TSC1: variants seen among roughly 807,000 people sequenced by gnomAD.
The protein encoded by TSC1 is TSC complex subunit 1.
A neutral mutation model predicts 124.3 loss-of-function variants in TSC1; 20 were observed. That is an observed-to-expected ratio of 0.16 (90% confidence interval 0.11 to 0.23). The LOEUF is 0.23. Ranked by LOEUF, TSC1 falls within the 10% of genes least tolerant of loss-of-function variation. TSC1 has a pLI of 1.00. For synonymous variants in TSC1, 493 were observed against 539.1 expected, an observed-to-expected ratio of 0.91 and a Z score of 1.19; for missense variants, 1,124 against 1,448.5, an observed-to-expected ratio of 0.78 and a Z score of 3.64.
chr9:132,933,360 C>T (rs1397981698), intron 2 of TSC1, among the ~76,000 whole-genome samples: 1 of 152,140 alleles, frequency 6.6e-6, no homozygotes, highest in Admixed American at 6.5e-5. Context: ...GCCACCACAC[C>T]TGGCCAAAAA....
intron 2 of TSC1, among the ~76,000 whole-genome samples, chr9:132,932,399 C>T (rs761828466): frequency 9.9e-5 from 15 of 152,172 alleles, no homozygotes; most frequent in South Asian, 2.1e-4. Context: ...AGTCGAAGCC[C>T]GCATCATCTC....
chr9:132,920,115 C>T (rs1022314847), intron 8 of TSC1, among the ~76,000 whole-genome samples: 7 of 152,264 alleles, frequency 4.6e-5, no homozygotes, highest in African/African-American at 1.7e-4. Flanking sequence ...CCTTGTGTTT[C>T]CCAGACTCAT....
chr9:132,906,886 G>A lies in TSC1; in HGVS notation c.1334-51C>T, dbSNP rs1845702965. ...GTCAAAGAAATACAGTGTAATCCCT[G>A]TAAGTGTAAAACTGCTTACACTGTA... On this transcript the variant is annotated intron_variant, in intron 13 of 22. Transcript: ENST00000298552. The surrounding 1 kb of genome is among the most constrained non-coding windows in gnomAD (Gnocchi z 4.1). The A allele has an allele frequency of 1.4e-6, 2 of 1,469,314 alleles. No homozygotes were observed. The highest frequency in any genetic ancestry group is 1.9e-6 in the Non-Finnish European group (2 of 1,050,444). 91.0% of individuals were successfully genotyped at this position (1,469,314 alleles called of 1,614,324 possible).
At chr9:132,934,791 G>A (rs1393929069) in intron 2 of TSC1, among the ~76,000 whole-genome samples, 1 of 152,148 alleles carries the variant, frequency 6.6e-6, no homozygotes. Context: ...TGTAAAATGG[G>A]GAAACACCAA....
intron 8 of TSC1, among the ~76,000 whole-genome samples, chr9:132,915,718 G>C (rs192574373): frequency 2.0e-5 from 3 of 152,278 alleles, no homozygotes; most frequent in Admixed American, 2.0e-4. Flanking sequence ...CAAAGCATGT[G>C]ATCCTACTCA....
At chr9:132,911,358 T>A (rs1845946696) in intron 10 of TSC1, 95 bp downstream of exon 10, 1 of 968,328 alleles carries the variant, frequency 1.0e-6, no homozygotes, top group East Asian at 2.4e-5. Context: ...AAATGAGCAG[T>A]GTGAAATTTT....
At chr9:132,932,726 T>C (rs1012995863) in intron 2 of TSC1, among the ~76,000 whole-genome samples, 1 of 152,234 alleles carries the variant, frequency 6.6e-6, no homozygotes, top group Non-Finnish European at 1.5e-5. Context: ...ATACTGGTTC[T>C]TTCTTGCTCA....
In TSC1 at chr9:132,896,063, G is replaced by T; in HGVS notation, c.*172C>A. ...GGGGAAGGTCAAGAGGCATTTCAAT[G>T]CCAGATCCAAAAACCGTTCTGCATT... On this transcript the variant is annotated 3_prime_UTR_variant, in exon 23 of 23. Transcript: ENST00000298552. This position sits in a 1 kb window ranked among gnomAD's most constrained non-coding sequence, Gnocchi z 4.5. 1 of 938,864 alleles carries T rather than the reference G, an allele frequency of 1.1e-6. No individual in the cohort carries two copies. The highest frequency in any genetic ancestry group is 1.7e-6 in the Non-Finnish European group (1 of 598,340). 58.2% of individuals were successfully genotyped at this position (938,864 alleles called of 1,614,324 possible). A position where few individuals can be genotyped will look rare whatever the true frequency, so the allele number is the denominator to read the frequency against.
At chr9:132,913,682 T>C (rs773010565) in intron 8 of TSC1, among the ~76,000 whole-genome samples, 30 of 151,428 alleles carry the variant, frequency 2.0e-4, no homozygotes, top group Non-Finnish European at 3.4e-4. Flanking sequence ...AAAAATTAGC[T>C]GGGCGCGGTG....
chr9:132,927,054 A>G (rs776269036), intron 4 of TSC1, 147 bp downstream of exon 4: 55 of 758,432 alleles, frequency 7.3e-5, no homozygotes, highest in Non-Finnish European at 1.1e-4. Context: ...AGTAATTTTT[A>G]TATGTAGTTA....
intron 12 of TSC1, 85 bp downstream of exon 12, chr9:132,910,486 C>G: frequency 6.2e-7 from 1 of 1,608,422 alleles, no homozygotes; most frequent in Non-Finnish European, 8.5e-7. Flanking sequence ...AGAATTCTAT[C>G]TGGCATAATT....
intron 8 of TSC1, chr9:132,912,854 T>C (rs1397461373): frequency 4.6e-6 from 1 of 219,524 alleles, no homozygotes; most frequent in Non-Finnish European, 9.2e-6. Flanking sequence ...TAAGGTCTCC[T>C]ATCAAGGCCT....
chr9:132,916,954 G>A (rs1846296885), intron 8 of TSC1, among the ~76,000 whole-genome samples: 1 of 152,196 alleles, frequency 6.6e-6, no homozygotes, highest in Non-Finnish European at 1.5e-5. Flanking sequence ...ATGCTCCAGT[G>A]ATTAACTGAG....
Position 132,912,433 on chromosome 9 carries a change from A to G in TSC1, c.762T>C (p.Asp254=), listed in dbSNP as rs780005416. The change falls in exon 9 of 23, where the codon GAT becomes GAC. Residue 254 remains aspartate, a synonymous_variant. Transcript: ENST00000298552. ...PRRWKRLETH[D]VVIECAKISL... is the part of the protein sequence containing the mutation. ...AGATTTTGGCACACTCGATCACAAC[A>G]TCATGAGTTTCTAATCTCTTCCACC... The G allele has an allele frequency of 1.5e-5, 24 of 1,614,238 alleles. No homozygotes were observed. In the South Asian group the frequency reaches 2.6e-4, roughly 18 times the overall value.
At chr9:132,911,280 C>G in intron 10 of TSC1, 167 bp from the exon 11 acceptor site, 1 of 804,776 alleles carries the variant, frequency 1.2e-6, no homozygotes, top group Non-Finnish European at 2.2e-6. Context: ...ATCAAGACTT[C>G]AAGATGAATC....
In TSC1 at chr9:132,896,084, G is replaced by T; in HGVS notation, c.*151C>A. The T allele has an allele frequency of 1.7e-6, 2 of 1,175,806 alleles. No homozygotes were observed. Among genetic ancestry groups the T allele is most frequent in the Non-Finnish European group, 2.5e-6 (2 of 804,454 alleles). The allele number at this position is 1,175,806 out of a possible 1,614,324, so 72.8% of individuals were successfully genotyped here. Reference sequence around the variant, plus strand: ...CAATGCCAGATCCAAAAACCGTTCTGCATTCAGTCAGCTGTCCAAAGGACC... The same window carrying T: ...CAATGCCAGATCCAAAAACCGTTCTTCATTCAGTCAGCTGTCCAAAGGACC... On this transcript the variant is annotated 3_prime_UTR_variant, in exon 23 of 23. Coordinates refer to ENST00000298552, the MANE Select transcript of TSC1 (RefSeq NM_000368.5). This position sits in a 1 kb window ranked among gnomAD's most constrained non-coding sequence, Gnocchi z 4.5.
chr9:132,940,854 C>A (rs146067872), intron 1 of TSC1: 1 of 152,282 alleles, frequency 6.6e-6, no homozygotes, highest in African/African-American at 2.4e-5. Flanking sequence ...ATTGATACAA[C>A]CATTGTATAA....
chr9:132,897,123 A>G, intron 22 of TSC1, 61 bp downstream of exon 22: 3 of 1,611,130 alleles, frequency 1.9e-6, no homozygotes, highest in Non-Finnish European at 1.7e-6. Context: ...CACGTGACAC[A>G]GTCCTTATGC....
chr9:132,896,532 AGTC>A lies in TSC1; in HGVS notation c.3195_3197del (p.Thr1066del). 6.2e-7 allele frequency: 1 copy of A among 1,614,152 alleles called. No individual in the cohort carries two copies. On this transcript the variant is annotated inframe_deletion, in exon 23 of 23. Transcript: ENST00000298552. This position sits in a 1 kb window ranked among gnomAD's most constrained non-coding sequence, Gnocchi z 4.5. Reference sequence around the variant, plus strand: ...GGATGCTGGCAGACGCTTCTCCCATAGTCGTCTCCCACCGACTGCTGAATGGGC... The same window carrying A: ...GGATGCTGGCAGACGCTTCTCCCATAGTCTCCCACCGACTGCTGAATGGGC...
Sources: allele counts gnomAD v4.1 joint callset (sites outside exome capture counted in the v4.1 genomes callset), GRCh38; gene constraint gnomAD v4.1.1; non-coding constraint Gnocchi (gnomAD v3.1); transcripts MANE v1.5; gene names NCBI Gene and HGNC (gene_info 2026-07-23, HGNC 2026-07-21).